Variants in PYY observed in about 807,000 individuals in gnomAD.
PYY encodes the protein peptide tyrosine tyrosine.
In PYY, 12 loss-of-function variants were observed where a neutral mutation model predicts 10.3. The ratio of observed to expected loss-of-function variants is 1.17; its 90% CI spans 0.75 to 1.89. The LOEUF (loss-of-function observed/expected upper bound fraction) is 1.89, where lower values mean the gene tolerates loss of function less well. PYY is among the 40% of genes most tolerant of loss of function. The pLI, the probability that PYY is intolerant of heterozygous loss-of-function variation, is 0.00. For missense variants in PYY, 141 were observed against 134.0 expected (o/e 1.05, Z -0.26); for synonymous variants, 66 against 62.0 (o/e 1.06, Z -0.30).
In PYY at chr17:43,974,566, G is replaced by A. The variant is rs75983560; in HGVS notation, c.-462-8034C>T. Among the ~76,000 whole-genome samples, 226 of 152,298 alleles carry A rather than the reference G, an allele frequency of 1.5e-3. 3 individuals carry two copies. Among genetic ancestry groups the A allele is most frequent in the African/African-American group, 5.2e-3 (215 of 41,556 alleles). On this transcript the variant is annotated intron_variant, in intron 1 of 6. Transcript: ENST00000360085. Reference sequence around the variant, plus strand: ...TCATAAAAGTGCCCGTAAAGGGTTAGGAGGATTGAATGAAATAATGGCTGT... The same window carrying A: ...TCATAAAAGTGCCCGTAAAGGGTTAAGAGGATTGAATGAAATAATGGCTGT...
intron 1 of PYY, among the ~76,000 whole-genome samples, chr17:43,971,633 T>C (rs1321002589): frequency 6.6e-6 from 1 of 151,354 alleles, no homozygotes; most frequent in Non-Finnish European, 1.5e-5. Context: ...ATTCATGTGC[T>C]TATCTGCCAT....
At chr17:43,970,797 A>G (rs2048787815) in intron 1 of PYY, among the ~76,000 whole-genome samples, 1 of 152,188 alleles carries the variant, frequency 6.6e-6, no homozygotes, top group African/African-American at 2.4e-5. Context: ...CTTTTAGGGA[A>G]TATCACACAA....
chr17:43,990,438 CAAA>C (rs59522069), intron 1 of PYY, among the ~76,000 whole-genome samples: 6 of 92,812 alleles, frequency 6.5e-5, no homozygotes, highest in African/African-American at 8.0e-5. Flanking sequence ...GACTCCATCT[CAAA>C]AAAAAAAAAA....
At chr17:43,954,071 A>G (rs1346860090), upstream of PYY, 1 of 153,164 alleles carries the variant, frequency 6.5e-6, no homozygotes, top group Non-Finnish European at 1.5e-5. Flanking sequence ...CGCTGAGCTT[A>G]TACCCAGCCA....
At chr17:43,973,195 A>T (rs1201022543) in intron 1 of PYY, among the ~76,000 whole-genome samples, 1 of 152,166 alleles carries the variant, frequency 6.6e-6, no homozygotes, top group African/African-American at 2.4e-5. Flanking sequence ...AGAACCTGAA[A>T]GTAAGTTTTT....
At chr17:43,956,426 A>G (rs2048672939), upstream of PYY, among the ~76,000 whole-genome samples, 1 of 145,444 alleles carries the variant, frequency 6.9e-6, no homozygotes, top group Admixed American at 7.0e-5. Context: ...CCACCCCCCG[A>G]TCCACACACC....
chr17:43,972,191 TTTTATTTATTTATTTA>T (rs3080250), intron 1 of PYY, among the ~76,000 whole-genome samples: 3 of 138,204 alleles, frequency 2.2e-5, no homozygotes, highest in Admixed American at 1.5e-4. Flanking sequence ...TTTTATTTTA[TTTTATTTATTTATTTA>T]TTTATTTATT....
intron 1 of PYY, among the ~76,000 whole-genome samples, chr17:43,975,505 C>A (rs1375148176): frequency 6.6e-6 from 1 of 151,704 alleles, no homozygotes; most frequent in Non-Finnish European, 1.5e-5. Flanking sequence ...CCCAGGAGTT[C>A]AAGAGCAGCC....
intron 1 of PYY, among the ~76,000 whole-genome samples, chr17:43,968,686 C>T (rs1428295682): frequency 6.6e-6 from 1 of 152,148 alleles, no homozygotes; most frequent in Non-Finnish European, 1.5e-5. Flanking sequence ...GTAGTGTGCA[C>T]CTGTGGTCCC....
chr17:43,963,339 C>A (rs1329911483), intron 2 of PYY, among the ~76,000 whole-genome samples: 1 of 151,588 alleles, frequency 6.6e-6, no homozygotes, highest in African/African-American at 2.4e-5. Context: ...GAAACCTCGT[C>A]TCTACTAAAA....
At chr17:43,957,377 G>C (rs2048681203), upstream of PYY, among the ~76,000 whole-genome samples, 1 of 151,942 alleles carries the variant, frequency 6.6e-6, no homozygotes, top group African/African-American at 2.4e-5. Flanking sequence ...AAGCATGGAG[G>C]CTGGGTGCGG....
At chr17:43,971,632 C>T (rs1330075945) in intron 1 of PYY, among the ~76,000 whole-genome samples, 1 of 148,542 alleles carries the variant, frequency 6.7e-6, no homozygotes, top group Admixed American at 6.7e-5. Flanking sequence ...TATTCATGTG[C>T]TTATCTGCCA....
At chr17:43,996,086 C>A (rs916956068) in intron 1 of PYY, among the ~76,000 whole-genome samples, 2 of 152,110 alleles carry the variant, frequency 1.3e-5, no homozygotes, top group African/African-American at 4.8e-5. Context: ...CACTTATAAC[C>A]AATAGGATGG....
intron 1 of PYY, among the ~76,000 whole-genome samples, chr17:43,992,074 C>T (rs1296827992): frequency 7.6e-6 from 1 of 131,636 alleles, no homozygotes; most frequent in Non-Finnish European, 1.6e-5. Context: ...TGAGCCAAGA[C>T]TGTGCACTGC....
At position 43,953,137 on chromosome 17, in the gene PYY, C is replaced by T. The variant is rs900323327; in HGVS notation, c.241G>A (p.Asp81Asn). 1.9e-6 allele frequency: 3 copies of T among 1,613,966 alleles called. No individual in the cohort carries two copies. In the Admixed American group the frequency reaches 5.0e-5, roughly 27 times the overall value. ...GACCTGACGGGGCGGTCCTCGCCGT[C>T]GGGGAAGAACGTTTTGGAAAGAAGC... ...DTLLSKTFFP[D>N]GEDRPVRSRS... Residue 81 changes from aspartate to asparagine, a missense_variant, in exon 3 of 4, where the codon GAC becomes AAC. Coordinates refer to ENST00000692052, the MANE Select transcript of PYY (RefSeq NM_001394028.1).
At chr17:43,975,310 G>A (rs537878430) in intron 1 of PYY, among the ~76,000 whole-genome samples, 6 of 152,042 alleles carry the variant, frequency 3.9e-5, no homozygotes, top group Non-Finnish European at 7.4e-5. Flanking sequence ...AATCCCACTC[G>A]CATTTCTTAG....
intron 1 of PYY, among the ~76,000 whole-genome samples, chr17:43,971,589 G>A (rs1302297841): frequency 6.8e-6 from 1 of 145,990 alleles, no homozygotes; most frequent in Non-Finnish European, 1.5e-5. Context: ...AAAAAAAATT[G>A]CATCTTTCTG....
intron 1 of PYY, among the ~76,000 whole-genome samples, chr17:43,988,556 C>T (rs1378949272): frequency 1.3e-5 from 2 of 152,144 alleles, no homozygotes; most frequent in Non-Finnish European, 2.9e-5. Context: ...AATCCTCTCT[C>T]AGAGCGGAGT....
intron 1 of PYY, among the ~76,000 whole-genome samples, chr17:44,000,371 T>C (rs903585784): frequency 6.6e-6 from 1 of 152,076 alleles, no homozygotes. Context: ...CCTGGGTGTA[T>C]CTGTGTGCCT....
Sources: allele counts gnomAD v4.1 joint callset (sites outside exome capture counted in the v4.1 genomes callset), GRCh38; gene constraint gnomAD v4.1.1; transcripts MANE v1.5; gene names NCBI Gene and HGNC (gene_info 2026-07-23, HGNC 2026-07-21).